Variants in FBXL15 observed in about 807,000 individuals in gnomAD.
FBXL15 encodes the protein F-box/LRR-repeat protein 15.
Under a neutral mutation model 23.6 loss-of-function variants are expected in FBXL15, and 19 were observed. The ratio of observed to expected loss-of-function variants is 0.81; its 90% CI spans 0.56 to 1.18. The LOEUF (loss-of-function observed/expected upper bound fraction) is 1.18, where lower values mean the gene tolerates loss of function less well. Ranked by LOEUF, FBXL15 falls within the 50% of genes most tolerant of loss-of-function variation. FBXL15 has a pLI of 0.00. For missense variants in FBXL15, 385 were observed against 425.4 expected (o/e 0.91, Z 0.83); for synonymous variants, 224 against 207.7 (o/e 1.08, Z -0.67).
intron 1 of FBXL15, 70 bp downstream of exon 1, chr10:102,421,252 T>TG (rs2061557857): frequency 2.5e-6 from 4 of 1,577,866 alleles, no homozygotes; most frequent in Non-Finnish European, 3.4e-6. Flanking sequence ...GGGCTGGGTC[T>TG]GGGGGCCGCT....
At position 102,420,866 on chromosome 10, in the gene FBXL15, G is replaced by T; in HGVS notation, c.-264G>T. The T allele has an allele frequency of 7.4e-7, 1 of 1,357,750 alleles. No homozygotes were observed. Among genetic ancestry groups the T allele is most frequent in the South Asian group, 1.6e-5 (1 of 64,238 alleles). 84.1% of individuals were successfully genotyped at this position (1,357,750 alleles called of 1,614,324 possible). A position where few individuals can be genotyped will look rare whatever the true frequency, so the allele number is the denominator to read the frequency against. ...GAGGCGGCTACTGGCTCAAGAGGAC[G>T]ACAGAAGCCAGTCTCTGATGCCCAC... On this transcript the variant is annotated 5_prime_UTR_variant, in exon 1 of 4. Coordinates refer to ENST00000369956, the MANE Select transcript of FBXL15 (RefSeq NM_024326.4).
chr10:102,421,565 C>T, intron 2 of FBXL15, 58 bp downstream of exon 2: 2 of 1,435,864 alleles, frequency 1.4e-6, no homozygotes, highest in African/African-American at 1.4e-5. Flanking sequence ...TCTAGCCCAG[C>T]CCCCAGCCCC....
rs912821846 is a variant in FBXL15 at position 102,423,060 on chromosome 10, TG to T, written c.*68del. On this transcript the variant is annotated 3_prime_UTR_variant, in exon 4 of 4. Transcript: ENST00000369956. This position sits in a 1 kb window ranked among gnomAD's most constrained non-coding sequence, Gnocchi z 5.6. ...GCCTGACACTGAGCTGTAGGGAAACTGAACTGTGAGGACCTCTGGTGAGAGG... is the reference window on the plus strand; with the variant it reads ...GCCTGACACTGAGCTGTAGGGAAACTAACTGTGAGGACCTCTGGTGAGAGG... 6.9e-7 allele frequency: 1 copy of T among 1,448,016 alleles called. No homozygotes were observed. Among genetic ancestry groups the T allele is most frequent in the African/African-American group, 1.4e-5 (1 of 70,202 alleles). 89.7% of individuals were successfully genotyped at this position (1,448,016 alleles called of 1,614,324 possible). A position where few individuals can be genotyped will look rare whatever the true frequency, so the allele number is the denominator to read the frequency against.
rs1166162754 is a variant in FBXL15 at position 102,421,051 on chromosome 10, G to A, written c.-79G>A. 4 of 1,556,374 alleles carry A rather than the reference G, an allele frequency of 2.6e-6. No individual in the cohort carries two copies. The South Asian group carries it at 3.5e-5, about 14-fold the overall frequency. On this transcript the variant is annotated 5_prime_UTR_variant, in exon 1 of 4. Coordinates refer to ENST00000369956, the MANE Select transcript of FBXL15 (RefSeq NM_024326.4). ...TCGATTAAATAGGTCTGTCTCTACA[G>A]GCCAAGGAGGCGGGTTTGGTGCGGC...
At position 102,423,047 on chromosome 10, in the gene FBXL15, G is replaced by A; in HGVS notation, c.*54G>A. ...CTGTGTGGCTGGGGCCTGACACTGAGCTGTAGGGAAACTGAACTGTGAGGA... is the reference window on the plus strand; with the variant it reads ...CTGTGTGGCTGGGGCCTGACACTGAACTGTAGGGAAACTGAACTGTGAGGA... On this transcript the variant is annotated 3_prime_UTR_variant, in exon 4 of 4. Coordinates refer to ENST00000369956, the MANE Select transcript of FBXL15 (RefSeq NM_024326.4). This position sits in a 1 kb window ranked among gnomAD's most constrained non-coding sequence, Gnocchi z 5.6. The A allele has an allele frequency of 6.8e-7, 1 of 1,472,996 alleles. No individual in the cohort carries two copies. Among genetic ancestry groups the A allele is most frequent in the African/African-American group, 1.4e-5 (1 of 71,174 alleles). The allele number at this position is 1,472,996 out of a possible 1,614,324, so 91.2% of individuals were successfully genotyped here.
At chr10:102,421,594 C>A (rs2061564656) in intron 2 of FBXL15, 87 bp downstream of exon 2, 1 of 1,426,372 alleles carries the variant, frequency 7.0e-7, no homozygotes, top group African/African-American at 1.4e-5. Context: ...CCCTTCTGGA[C>A]CCCCTTGGGC....
intron 2 of FBXL15, 64 bp downstream of exon 2, chr10:102,421,571 G>GC (rs1356277108): frequency 2.0e-5 from 29 of 1,436,748 alleles, no homozygotes; most frequent in Non-Finnish European, 2.5e-5. Context: ...CCAGCCCCCA[G>GC]CCCCGCAGTA....
chr10:102,422,848 G>C lies in FBXL15; in HGVS notation c.758G>C (p.Arg253Pro). The change falls in exon 4 of 4, where the codon CGG (arginine) becomes CCG (proline). Residue 253 changes from arginine to proline, a missense_variant. This residue lies in a region of FBXL15 where 255 missense variants were observed against 330.2 expected (regional missense o/e 0.77). Coordinates refer to ENST00000369956, the MANE Select transcript of FBXL15 (RefSeq NM_024326.4). ...YCPVLRSLRV[R>P]HCHHVAESSL... ...CCCGTGCTGCGTTCGCTGCGGGTGCGGCACTGCCACCATGTGGCGGAGTCC... is the reference window on the plus strand; with the variant it reads ...CCCGTGCTGCGTTCGCTGCGGGTGCCGCACTGCCACCATGTGGCGGAGTCC... The C allele has an allele frequency of 1.2e-6, 2 of 1,610,132 alleles. No individual in the cohort carries two copies. The highest frequency in any genetic ancestry group is 8.5e-7 in the Non-Finnish European group (1 of 1,179,758).
rs1282450439 is a variant in FBXL15 at position 102,423,044 on chromosome 10, T to C, written c.*51T>C. 4 of 1,477,108 alleles carry C rather than the reference T, an allele frequency of 2.7e-6. No individual in the cohort carries two copies. The highest frequency in any genetic ancestry group is 3.6e-6 in the Non-Finnish European group (4 of 1,103,604). The allele number at this position is 1,477,108 out of a possible 1,614,324, so 91.5% of individuals were successfully genotyped here. On this transcript the variant is annotated 3_prime_UTR_variant, in exon 4 of 4. Coordinates refer to ENST00000369956, the MANE Select transcript of FBXL15 (RefSeq NM_024326.4). The surrounding 1 kb of genome is among the most constrained non-coding windows in gnomAD (Gnocchi z 5.6). The stretch of plus-strand genomic sequence containing the variant: ...GGACTGTGTGGCTGGGGCCTGACAC[T>C]GAGCTGTAGGGAAACTGAACTGTGA...
At chr10:102,421,303 G>A (rs1303397016) in intron 1 of FBXL15, 51 bp from the exon 2 acceptor site, 3 of 1,555,238 alleles carry the variant, frequency 1.9e-6, no homozygotes, top group African/African-American at 1.4e-5. Flanking sequence ...AGGCGGACTC[G>A]CAGGTAATAG....
rs1334844244 is a variant in FBXL15 at position 102,422,982 on chromosome 10, C to T, written c.892C>T (p.Leu298=). 3.2e-6 allele frequency: 5 copies of T among 1,554,812 alleles called. No individual in the cohort carries two copies. The highest frequency in any genetic ancestry group is 1.2e-5 in the South Asian group (1 of 83,978). ...GGCGGGCTTCGCACCTTTTGTCAACCTGCAGGTCTGACCCGCCTGCCAATC... is the reference window on the plus strand; with the variant it reads ...GGCGGGCTTCGCACCTTTTGTCAACTTGCAGGTCTGACCCGCCTGCCAATC... ...DMAGFAPFVN[L]QV The change falls in exon 4 of 4, where the codon CTG becomes TTG. Residue 298 remains leucine (L), a synonymous_variant. Transcript: ENST00000369956.
Position 102,421,924 on chromosome 10 carries a change from G to C in FBXL15, c.345G>C (p.Gln115His). 3 of 1,605,316 alleles carry C rather than the reference G, an allele frequency of 1.9e-6. No homozygotes were observed. The highest frequency in any genetic ancestry group is 2.2e-5 in the East Asian group (1 of 44,818). Residue 115 changes from glutamine (Q) to histidine (H), a missense_variant, in exon 3 of 4, where the codon CAG becomes CAC. Coordinates refer to ENST00000369956, the MANE Select transcript of FBXL15 (RefSeq NM_024326.4). ...DLVPVLARNP[Q>H]LRSVALGGCG... ...TGCCGGTGCTGGCGCGGAATCCGCA[G>C]CTGCGGAGTGTGGCGTTGGGCGGCT...
chr10:102,422,959 C>T lies in FBXL15; in HGVS notation c.869C>T (p.Ala290Val), dbSNP rs1368544642. The T allele has an allele frequency of 1.3e-6, 2 of 1,582,940 alleles. No individual in the cohort carries two copies. Among genetic ancestry groups the T allele is most frequent in the South Asian group, 1.1e-5 (1 of 87,528 alleles). Residue 290 changes from alanine (A) to valine (V), a missense_variant, in exon 4 of 4, where the codon GCG (alanine) becomes GTG (valine). Around this residue, in one of 2 missense-constraint regions of FBXL15, gnomAD observed 255 missense variants for 330.2 expected, o/e 0.77. Transcript: ENST00000369956. ...GCCCTGGTGCTGCTGCAGGATATGG[C>T]GGGCTTCGCACCTTTTGTCAACCTG... ...HQALVLLQDM[A>V]GFAPFVNLQV
Position 102,422,275 on chromosome 10 carries a change from C to T in FBXL15, c.696C>T (p.Val232=), listed in dbSNP as rs762119107. Residue 232 remains valine, a synonymous_variant, in exon 3 of 4, where the codon GTC becomes GTT. Transcript: ENST00000369956. Reference sequence around the variant, plus strand: ...TTGACCTCACCGGCTGCCTCCGCGTCGGAAGCGACGGTGTCAGGTGCCTGG... The same window carrying T: ...TTGACCTCACCGGCTGCCTCCGCGTTGGAAGCGACGGTGTCAGGTGCCTGG... ...HHLDLTGCLR[V]GSDGVRTLAE... 108 of 1,495,038 alleles carry T rather than the reference C, an allele frequency of 7.2e-5. No individual in the cohort carries two copies. Among genetic ancestry groups the T allele is most frequent in the Non-Finnish European group, 8.5e-5 (96 of 1,122,944 alleles). 92.6% of individuals were successfully genotyped at this position (1,495,038 alleles called of 1,614,324 possible).
chr10:102,421,539 T>C, intron 2 of FBXL15, 32 bp downstream of exon 2: 1 of 1,446,968 alleles, frequency 6.9e-7, no homozygotes, highest in Non-Finnish European at 9.1e-7. Context: ...CGCCCCTGCC[T>C]GGGTACCGCC....
At position 102,422,415 on chromosome 10, in the gene FBXL15, C is replaced by G. The variant is rs1198924644; in HGVS notation, c.713+123C>G. 4 of 1,227,874 alleles carry G rather than the reference C, an allele frequency of 3.3e-6. No homozygotes were observed. In the African/African-American group the frequency reaches 6.3e-5, roughly 19 times the overall value. The allele number at this position is 1,227,874 out of a possible 1,614,324, so 76.1% of individuals were successfully genotyped here. On this transcript the variant is annotated intron_variant, in intron 3 of 3. Transcript: ENST00000369956. ...ATCTTCCTGCAAACCACAGCACCCC[C>G]ATTCTGAACAGAAAGGGCCTCTAGG...
rs2061551399 is a variant in FBXL15 at position 102,421,000 on chromosome 10, A to C, written c.-130A>C. 12 of 1,540,564 alleles carry C rather than the reference A, an allele frequency of 7.8e-6. No individual in the cohort carries two copies. The highest frequency in any genetic ancestry group is 1.4e-5 in the African/African-American group (1 of 72,696). ...TTCGGGGTCCACCCGAAAAGCTTTC[A>C]GATCGGATCCTCGGTGAGACGGCAC... On this transcript the variant is annotated 5_prime_UTR_variant, in exon 1 of 4. Transcript: ENST00000369956.
In FBXL15 at chr10:102,421,489, T is replaced by A; in HGVS notation, c.189T>A (p.Arg63=). ...TGCAGCTTCACCTGGCCGGGCTGCGTCGCTTCGATGCCGCGCAGGTGAGCC... is the reference window on the plus strand; with the variant it reads ...TGCAGCTTCACCTGGCCGGGCTGCGACGCTTCGATGCCGCGCAGGTGAGCC... ...SLVQLHLAGL[R]RFDAAQVGPQ... The change falls in exon 2 of 4, where the codon CGT becomes CGA. Residue 63 remains arginine, a synonymous_variant. Coordinates refer to ENST00000369956, the MANE Select transcript of FBXL15 (RefSeq NM_024326.4). 2 of 1,483,744 alleles carry A rather than the reference T, an allele frequency of 1.3e-6. No homozygotes were observed. Among genetic ancestry groups the A allele is most frequent in the Non-Finnish European group, 8.9e-7 (1 of 1,119,076 alleles). 91.9% of individuals were successfully genotyped at this position (1,483,744 alleles called of 1,614,324 possible). A position where few individuals can be genotyped will look rare whatever the true frequency, so the allele number is the denominator to read the frequency against.
Position 102,421,837 on chromosome 10 carries a change from C to T in FBXL15, c.258C>T (p.Ala86=). The change falls in exon 3 of 4, where the codon GCC becomes GCT. Residue 86 remains alanine, a synonymous_variant. Coordinates refer to ENST00000369956, the MANE Select transcript of FBXL15 (RefSeq NM_024326.4). ...CATTGGCCCGGCTGCTGCGGGATGCCGAGGGGCTGCAGGAGCTGGCACTGG... is the reference window on the plus strand; with the variant it reads ...CATTGGCCCGGCTGCTGCGGGATGCTGAGGGGCTGCAGGAGCTGGCACTGG... ...RAALARLLRD[A]EGLQELALAP... is the part of the protein sequence containing the mutation. 1 of 1,585,778 alleles carries T rather than the reference C, an allele frequency of 6.3e-7. No homozygotes were observed. The highest frequency in any genetic ancestry group is 8.5e-7 in the Non-Finnish European group (1 of 1,171,832).
Sources: allele counts gnomAD v4.1 joint callset, GRCh38; gene constraint gnomAD v4.1.1; regional missense constraint gnomAD v4.1.1; non-coding constraint Gnocchi (gnomAD v3.1); transcripts MANE v1.5; gene names NCBI Gene and HGNC (gene_info 2026-07-23, HGNC 2026-07-21).